CECR2: variants seen among roughly 807,000 people sequenced by gnomAD.
CECR2 encodes the protein CECR2 histone acetyl-lysine reader, also known as chromatin remodeling regulator CECR2.
In CECR2, 30 loss-of-function variants were observed where a neutral mutation model predicts 154.5. That is an observed-to-expected ratio of 0.19 (90% confidence interval 0.15 to 0.26). The LOEUF is 0.26. Among genes scored for constraint, CECR2 ranks in the 10% least tolerant of loss-of-function variants. The probability of loss-of-function intolerance (pLI) is 1.00; values close to 1 mark genes in which losing one functional copy is unlikely to be tolerated. For synonymous variants in CECR2, 725 were observed against 683.7 expected (o/e 1.06, Z -0.94); for missense variants, 1,743 against 1,829.3 (o/e 0.95, Z 0.86).
At chr22:17,442,155 G>A (rs927999335) in intron 1 of CECR2, among the ~76,000 whole-genome samples, 3 of 150,364 alleles carry the variant, frequency 2.0e-5, no homozygotes, top group African/African-American at 7.4e-5. Flanking sequence ...AGAAAAAACC[G>A]CAAAACAAGA....
At chr22:17,371,901 C>G (rs1207625759) in intron 1 of CECR2, among the ~76,000 whole-genome samples, 1 of 152,202 alleles carries the variant, frequency 6.6e-6, no homozygotes, top group Non-Finnish European at 1.5e-5. Flanking sequence ...AACTTGTCTT[C>G]TGTTATAAGC....
At chr22:17,432,387 T>A (rs554497901) in intron 1 of CECR2, among the ~76,000 whole-genome samples, 28 of 152,358 alleles carry the variant, frequency 1.8e-4, no homozygotes, top group African/African-American at 6.7e-4. Context: ...GTTGGACATT[T>A]GGGTTGTTTC....
rs1046703585 is a variant in CECR2, at chr22:17,556,445, T to C, written c.*3605T>C. 2 of 152,222 alleles carry C rather than the reference T, an allele frequency of 1.3e-5. No homozygotes were observed. Among genetic ancestry groups the C allele is most frequent in the African/African-American group, 2.4e-5 (1 of 41,454 alleles). The allele number at this position is 152,222 out of a possible 1,614,324, so 9.4% of individuals were successfully genotyped here. On this transcript the variant is annotated 3_prime_UTR_variant, in exon 19 of 19. Coordinates refer to ENST00000262608, the MANE Select transcript of CECR2 (RefSeq NM_001290047.2). Reference sequence around the variant, plus strand: ...TGCCATTTATCTGCTGTATAGTTACTATATTATTTTTGCTGATTCCTACTG... The same window carrying C: ...TGCCATTTATCTGCTGTATAGTTACCATATTATTTTTGCTGATTCCTACTG...
At chr22:17,418,415 C>T (rs1052236074) in intron 1 of CECR2, among the ~76,000 whole-genome samples, 2 of 152,158 alleles carry the variant, frequency 1.3e-5, no homozygotes, top group Non-Finnish European at 2.9e-5. Flanking sequence ...TGTCTTTGCC[C>T]GGAACTGTAG....
upstream of CECR2, among the ~76,000 whole-genome samples, chr22:17,365,809 A>T (rs1402673591): frequency 6.6e-6 from 1 of 151,912 alleles, no homozygotes; most frequent in Admixed American, 6.6e-5. Context: ...GCAGTGAGCT[A>T]TGACTGCACC....
Position 17,524,110 on chromosome 22 carries a change from C to G in CECR2, c.955-8C>G. On this transcript the variant is annotated splice_polypyrimidine_tract_variant and splice_region_variant and intron_variant, in intron 8 of 18. Coordinates refer to ENST00000262608, the MANE Select transcript of CECR2 (RefSeq NM_001290047.2). ...TACTGACCGGATGTGCTCATTGGCT[C>G]CTCACAGGAGACTCCTGTGCTGACC... The G allele has an allele frequency of 6.3e-7, 1 of 1,577,232 alleles. No individual in the cohort carries two copies.
chr22:17,524,117 G>T lies in CECR2; in HGVS notation c.955-1G>T. Reference sequence around the variant, plus strand: ...CGGATGTGCTCATTGGCTCCTCACAGGAGACTCCTGTGCTGACCAGAATAG... The same window carrying T: ...CGGATGTGCTCATTGGCTCCTCACATGAGACTCCTGTGCTGACCAGAATAG... On this transcript the variant is annotated splice_acceptor_variant, in intron 8 of 18. Coordinates refer to ENST00000262608, the MANE Select transcript of CECR2 (RefSeq NM_001290047.2). LOFTEE classifies it high-confidence loss of function. 1 of 1,581,910 alleles carries T rather than the reference G, an allele frequency of 6.3e-7. No homozygotes were observed. Among genetic ancestry groups the T allele is most frequent in the Non-Finnish European group, 8.6e-7 (1 of 1,164,354 alleles).
At position 17,549,060 on chromosome 22, in the gene CECR2, C is replaced by T. The variant is rs1192165901; in HGVS notation, c.3773C>T (p.Ser1258Phe). The T allele has an allele frequency of 1.2e-6, 2 of 1,614,058 alleles. No homozygotes were observed. Among genetic ancestry groups the T allele is most frequent in the South Asian group, 2.2e-5 (2 of 91,082 alleles). ...GCETLNAALT[S>F]PTRMDAVAAK... ...GAGACACTGAATGCTGCCTTAACTTCTCCAACCCGTATGGATGCAGTGGCT... is the reference window on the plus strand; with the variant it reads ...GAGACACTGAATGCTGCCTTAACTTTTCCAACCCGTATGGATGCAGTGGCT... The change falls in exon 17 of 19, where the codon TCT becomes TTT. Residue 1258 changes from serine to phenylalanine, a missense_variant. Physicochemically the swap from Ser to Phe is radical, Grantham distance 155. Coordinates refer to ENST00000262608, the MANE Select transcript of CECR2 (RefSeq NM_001290047.2).
At chr22:17,530,855 C>T (rs368701459) in intron 9 of CECR2, among the ~76,000 whole-genome samples, 2 of 152,070 alleles carry the variant, frequency 1.3e-5, no homozygotes, top group Non-Finnish European at 2.9e-5. Flanking sequence ...AGGTATTACA[C>T]GAAGTGATAT....
chr22:17,371,892 A>G (rs963924158), intron 1 of CECR2, among the ~76,000 whole-genome samples: 4 of 152,236 alleles, frequency 2.6e-5, no homozygotes, highest in Non-Finnish European at 1.5e-5. Context: ...CCTGTAAATA[A>G]CTTGTCTTCT....
At chr22:17,392,385 G>C (rs1186402130) in intron 1 of CECR2, among the ~76,000 whole-genome samples, 1 of 152,146 alleles carries the variant, frequency 6.6e-6, no homozygotes, top group Non-Finnish European at 1.5e-5. Flanking sequence ...CTACTCAGGA[G>C]GCTGAGGCAG....
At chr22:17,517,236 T>G (rs1023302004) in intron 8 of CECR2, among the ~76,000 whole-genome samples, 2 of 148,228 alleles carry the variant, frequency 1.3e-5, no homozygotes, top group African/African-American at 4.8e-5. Flanking sequence ...CACTTGCGCT[T>G]TCTGGCTCTA....
intron 1 of CECR2, among the ~76,000 whole-genome samples, chr22:17,422,134 CTTTCT>C (rs1240395708): frequency 1.3e-5 from 2 of 151,668 alleles, no homozygotes; most frequent in Non-Finnish European, 2.9e-5. Flanking sequence ...AGGATGTTTT[CTTTCT>C]TTTCTTTATG....
Position 17,489,239 on chromosome 22 carries a change from C to T in CECR2, c.222-8164C>T, listed in dbSNP as rs189370613. On this transcript the variant is annotated intron_variant, in intron 2 of 18. Transcript: ENST00000262608. ...TGAGCCACCTCGCCCGGCCTAGTTA[C>T]TTCCTATCTTTGCCAACATCTGCTG... Among the ~76,000 whole-genome samples, 236 of 152,234 alleles carry T rather than the reference C, an allele frequency of 1.6e-3. 1 individual carries two copies. Among genetic ancestry groups the T allele is most frequent in the African/African-American group, 5.4e-3 (224 of 41,538 alleles).
chr22:17,371,290 C>T (rs988910012), intron 1 of CECR2, among the ~76,000 whole-genome samples: 5 of 152,126 alleles, frequency 3.3e-5, no homozygotes, highest in African/African-American at 7.2e-5. Flanking sequence ...GGGCCACTCA[C>T]TGGCTTTTGG....
intron 1 of CECR2, among the ~76,000 whole-genome samples, chr22:17,410,261 G>C (rs1411626509): frequency 1.3e-5 from 2 of 152,028 alleles, no homozygotes; most frequent in African/African-American, 2.4e-5. Context: ...TTACAGACGT[G>C]AGCCACCGCG....
chr22:17,368,668 C>T (rs192441306), upstream of CECR2, among the ~76,000 whole-genome samples: 18 of 152,286 alleles, frequency 1.2e-4, no homozygotes, highest in East Asian at 3.3e-3. Flanking sequence ...CTGCCCCATC[C>T]CCCCGCCTTC....
At chr22:17,453,834 T>C (rs893945042) in intron 1 of CECR2, among the ~76,000 whole-genome samples, 2 of 152,232 alleles carry the variant, frequency 1.3e-5, no homozygotes, top group African/African-American at 4.8e-5. Context: ...GAGCGTACCC[T>C]TTCTGCAGAA....
At chr22:17,430,883 T>C (rs2054411070) in intron 1 of CECR2, among the ~76,000 whole-genome samples, 1 of 152,146 alleles carries the variant, frequency 6.6e-6, no homozygotes, top group South Asian at 2.1e-4. Context: ...ATATATATAA[T>C]TATTTACCAT....
Sources: gnomAD v4.1 joint callset for allele counts (sites outside exome capture counted in the v4.1 genomes callset) on GRCh38, gnomAD v4.1.1 for gene constraint, MANE v1.5 for transcripts, NCBI Gene and HGNC (gene_info 2026-07-23, HGNC 2026-07-21) for gene names.